FGF14: variants seen among roughly 807,000 people sequenced by gnomAD.
FGF14 encodes fibroblast growth factor homologous factor 4.
Under a neutral mutation model 25.5 loss-of-function variants are expected in FGF14, and 5 were observed. The observed-to-expected ratio is 0.20, with a 90% CI of 0.10 to 0.41. The LOEUF is 0.41. Among genes scored for constraint, FGF14 ranks in the 10% least tolerant of loss-of-function variants. The pLI is 1.00. For synonymous variants in FGF14, 138 were observed against 118.3 expected (o/e 1.17, Z -1.08); for missense variants, 222 against 320.1 (o/e 0.69, Z 2.34).
At chr13:102,275,082 T>G (rs1032748889) in intron 1 of FGF14, among the ~76,000 whole-genome samples, 16 of 152,062 alleles carry the variant, frequency 1.1e-4, no homozygotes, top group African/African-American at 3.1e-4. Context: ...AGCACATATT[T>G]GAAGCATTTT....
At chr13:101,913,203 T>C (rs200287705) in intron 1 of FGF14, among the ~76,000 whole-genome samples, 45 of 152,106 alleles carry the variant, frequency 3.0e-4, no homozygotes, top group African/African-American at 1.0e-3. Flanking sequence ...AACAAAAGGA[T>C]AAGGATTTGA....
At chr13:102,198,040 C>T (rs771876023) in intron 1 of FGF14, among the ~76,000 whole-genome samples, 3 of 152,196 alleles carry the variant, frequency 2.0e-5, no homozygotes, top group Non-Finnish European at 4.4e-5. Context: ...TGGGCACCGA[C>T]TCTTTCCTCC....
At chr13:101,878,366 T>A (rs1205410779) in intron 1 of FGF14, among the ~76,000 whole-genome samples, 1 of 152,208 alleles carries the variant, frequency 6.6e-6, no homozygotes, top group Non-Finnish European at 1.5e-5. Flanking sequence ...AAGAGCACTT[T>A]CCTGAAACTT....
At chr13:102,255,775 T>C (rs1260752088) in intron 1 of FGF14, among the ~76,000 whole-genome samples, 1 of 152,236 alleles carries the variant, frequency 6.6e-6, no homozygotes, top group Admixed American at 6.5e-5. Context: ...ATTTTGTACA[T>C]GTCTAGCTGA....
At chr13:101,724,629 T>TATATATATATATAC (rs2035265248) in intron 4 of FGF14, among the ~76,000 whole-genome samples, 1 of 97,980 alleles carries the variant, frequency 1.0e-5, no homozygotes, top group Non-Finnish European at 2.1e-5. Flanking sequence ...TATATATATA[T>TATATATATATATAC]ATAAAACAAA....
chr13:102,346,962 G>T (rs1347047455), intron 1 of FGF14, among the ~76,000 whole-genome samples: 1 of 152,120 alleles, frequency 6.6e-6, no homozygotes, highest in African/African-American at 2.4e-5. Context: ...CACGTGTCTT[G>T]CACTGATGCC....
chr13:101,873,840 C>G (rs2045247338), intron 2 of FGF14, among the ~76,000 whole-genome samples: 1 of 151,956 alleles, frequency 6.6e-6, no homozygotes, highest in Non-Finnish European at 1.5e-5. Flanking sequence ...TTTACCTTCT[C>G]TTTTCCTATA....
At chr13:102,035,760 C>T (rs532171721) in intron 1 of FGF14, among the ~76,000 whole-genome samples, 48 of 152,230 alleles carry the variant, frequency 3.2e-4, no homozygotes, top group Admixed American at 2.2e-3. Context: ...AGGATAAATA[C>T]GTCCCTCTCC....
intron 3 of FGF14, among the ~76,000 whole-genome samples, chr13:101,837,586 C>G (rs1296763554): frequency 2.0e-5 from 3 of 152,054 alleles, no homozygotes; most frequent in Non-Finnish European, 2.9e-5. Context: ...TTATATTGAT[C>G]TTTGAGAAAT....
chr13:101,825,355 T>C (rs992683031), intron 3 of FGF14, among the ~76,000 whole-genome samples: 27 of 152,118 alleles, frequency 1.8e-4, no homozygotes, highest in Admixed American at 1.6e-3. Context: ...TTCTTGAGAG[T>C]ATACTAAGAG....
chr13:102,105,104 T>A (rs1456720589), intron 1 of FGF14, among the ~76,000 whole-genome samples: 1 of 152,160 alleles, frequency 6.6e-6, no homozygotes, highest in East Asian at 1.9e-4. Context: ...ACTATTGTGA[T>A]GGAGAGGACA....
chr13:102,386,632 A>C (rs1387880841), intron 1 of FGF14, among the ~76,000 whole-genome samples: 2 of 152,218 alleles, frequency 1.3e-5, no homozygotes, highest in African/African-American at 4.8e-5. Context: ...TGTAAGACAC[A>C]GAGTGAACTG....
At chr13:102,221,827 A>C (rs1482233045) in intron 1 of FGF14, among the ~76,000 whole-genome samples, 3 of 152,206 alleles carry the variant, frequency 2.0e-5, no homozygotes, top group Non-Finnish European at 2.9e-5. Flanking sequence ...CTAGACTACA[A>C]GTTCCTTGAA....
chr13:102,043,724 A>G (rs930268483), intron 1 of FGF14, among the ~76,000 whole-genome samples: 2 of 152,202 alleles, frequency 1.3e-5, no homozygotes, highest in Admixed American at 1.3e-4. Flanking sequence ...ATTAGGAACT[A>G]GGAAATCTGG....
intron 3 of FGF14, among the ~76,000 whole-genome samples, chr13:101,769,135 A>G (rs917752810): frequency 1.3e-5 from 2 of 152,184 alleles, no homozygotes; most frequent in African/African-American, 4.8e-5. Flanking sequence ...TTGATTTAAA[A>G]ATGGACCAAA....
chr13:101,885,031 AACAG>A (rs753499053), intron 1 of FGF14, among the ~76,000 whole-genome samples: 2 of 152,218 alleles, frequency 1.3e-5, no homozygotes. Context: ...GTTAAAAGAA[AACAG>A]ACAGACCTTG....
intron 1 of FGF14, among the ~76,000 whole-genome samples, chr13:102,231,992 G>T (rs1391117784): frequency 1.3e-5 from 2 of 152,168 alleles, no homozygotes; most frequent in Non-Finnish European, 2.9e-5. Context: ...AGACTAAAGT[G>T]CAAACTATAT....
rs753226446 is a variant in FGF14, at chr13:102,340,976, G to A, written c.208+60495C>T. Among the ~76,000 whole-genome samples the A allele has an allele frequency of 7.9e-5, 12 of 152,236 alleles. No individual in the cohort carries two copies. The South Asian group carries it at 8.3e-4, about 11-fold the overall frequency. On this transcript the variant is annotated intron_variant, in intron 1 of 4. Coordinates refer to the FGF14 transcript ENST00000376131. ...AATATGTGCTATTACACTTGTTGCC[G>A]GTGTAATTATGGTAAGAAAACTAAA...
At chr13:102,182,300 T>C (rs584960) in intron 1 of FGF14, among the ~76,000 whole-genome samples, 90,009 of 151,924 alleles carry the variant, frequency 0.59, 27,881 homozygotes, top group African/African-American at 0.77. Context: ...CTCTGACAAC[T>C]GGCAAGGCAA....
Sources: gnomAD v4.1 joint callset for allele counts (sites outside exome capture counted in the v4.1 genomes callset) on GRCh38, gnomAD v4.1.1 for gene constraint, MANE v1.5 for transcripts, NCBI Gene and HGNC (gene_info 2026-07-23, HGNC 2026-07-21) for gene names.